Variants in AQP3 observed in about 807,000 individuals in gnomAD.
AQP3 encodes aquaporin-3.
Under a neutral mutation model 30.3 loss-of-function variants are expected in AQP3, and 15 were observed. The ratio of observed to expected loss-of-function variants is 0.49; its 90% confidence interval spans 0.33 to 0.76. AQP3 has a LOEUF of 0.76. AQP3 is among the 30% of genes least tolerant of loss of function. AQP3 has a pLI of 0.02. For synonymous variants in AQP3, 153 were observed against 163.2 expected, an observed-to-expected ratio of 0.94 and a Z score of 0.47; for missense variants, 272 against 384.8, an observed-to-expected ratio of 0.71 and a Z score of 2.45.
rs1661511645 is a variant in AQP3 at position 33,443,071 on chromosome 9, T to A, written c.374-101A>T. On this transcript the variant is annotated intron_variant, in intron 3 of 5. Transcript: ENST00000297991. This position sits in a 1 kb window ranked among gnomAD's most constrained non-coding sequence, Gnocchi z 5.0. ...CACCCTCCCATGAGTTATGGGTAAGTAGCAATACTGCTGTATTGCAGCAGG... is the reference window on the plus strand; with the variant it reads ...CACCCTCCCATGAGTTATGGGTAAGAAGCAATACTGCTGTATTGCAGCAGG... The A allele has an allele frequency of 2.5e-6, 3 of 1,210,860 alleles. No individual in the cohort carries two copies. Among genetic ancestry groups the A allele is most frequent in the African/African-American group, 3.0e-5 (2 of 66,498 alleles). 75.0% of individuals were successfully genotyped at this position (1,210,860 alleles called of 1,614,324 possible).
chr9:33,446,959 C>G (rs575960132), intron 1 of AQP3, among the ~76,000 whole-genome samples: 2 of 152,320 alleles, frequency 1.3e-5, no homozygotes, highest in Non-Finnish European at 2.9e-5. Context: ...AACCTTTGGA[C>G]TTTTTGAGGC....
Position 33,443,713 on chromosome 9 carries a change from C to T in AQP3, c.235+53G>A, listed in dbSNP as rs1054285552. ...CCTGCCCTTAGGAATGCCAGGACAC[C>T]TAGTGGGAATGCTATTGAGGGCCAA... On this transcript the variant is annotated intron_variant, in intron 2 of 5. Transcript: ENST00000297991. The surrounding 1 kb of genome is among the most constrained non-coding windows in gnomAD (Gnocchi z 5.0). 1.5e-5 allele frequency: 24 copies of T among 1,612,368 alleles called. No individual in the cohort carries two copies. Among genetic ancestry groups the T allele is most frequent in the Non-Finnish European group, 2.0e-5 (24 of 1,179,308 alleles).
At position 33,443,498 on chromosome 9, in the gene AQP3, CCA is replaced by C; in HGVS notation, c.236-42_236-41del. The stretch of plus-strand genomic sequence containing the variant: ...CAAGGGACCTATTAGCTGCAGCCTG[CCA>C]CAGTCGGCAGGCTAGGGTCCCCTGA... On this transcript the variant is annotated intron_variant, in intron 2 of 5. Coordinates refer to ENST00000297991, the MANE Select transcript of AQP3 (RefSeq NM_004925.5). This position sits in a 1 kb window ranked among gnomAD's most constrained non-coding sequence, Gnocchi z 5.0. 6.2e-7 allele frequency: 1 copy of C among 1,601,832 alleles called. No homozygotes were observed. Among genetic ancestry groups the C allele is most frequent in the Non-Finnish European group, 8.5e-7 (1 of 1,174,536 alleles).
chr9:33,442,453 G>A lies in AQP3; in HGVS notation c.558C>T (p.Val186=). ...LAIVDPYNNP[V]PRGLEAFTVG... is the part of the protein sequence containing the mutation. ...CGGTGAAGGCCTCCAGGCCTCGGGG[G>A]ACGGGGTTGTTGTAGGGGTCAACAA... is the stretch of plus-strand genomic sequence containing the variant. The change falls in exon 5 of 6, where the codon GTC becomes GTT. Residue 186 remains valine (V), a synonymous_variant. Transcript: ENST00000297991. The A allele has an allele frequency of 6.2e-7, 1 of 1,611,890 alleles. No individual in the cohort carries two copies. Among genetic ancestry groups the A allele is most frequent in the Non-Finnish European group, 8.5e-7 (1 of 1,179,424 alleles).
In AQP3 at chr9:33,442,475, A is replaced by G. The variant is rs201119765; in HGVS notation, c.536T>C (p.Val179Ala). 1.6e-5 allele frequency: 25 copies of G among 1,611,376 alleles called. No individual in the cohort carries two copies. The highest frequency in any genetic ancestry group is 2.1e-5 in the Non-Finnish European group (25 of 1,179,242). The part of the protein sequence containing the change: ...ASLIVCVLAI[V>A]DPYNNPVPRG... ...GGGGACGGGGTTGTTGTAGGGGTCA[A>G]CAATGGCCAGCACACACACGATAAG... Residue 179 changes from valine (V) to alanine (A), a missense_variant, in exon 5 of 6, where the codon GTT becomes GCT. Val to Ala is a moderately conservative substitution (Grantham distance 64). Transcript: ENST00000297991.
Position 33,443,288 on chromosome 9 carries a change from G to T in AQP3, c.373+33C>A. On this transcript the variant is annotated intron_variant, in intron 3 of 5. Coordinates refer to ENST00000297991, the MANE Select transcript of AQP3 (RefSeq NM_004925.5). This position sits in a 1 kb window ranked among gnomAD's most constrained non-coding sequence, Gnocchi z 5.0. Reference sequence around the variant, plus strand: ...GCAGGTCCTGAACAGAGGGACGGGGGTAGTGGAGGAGGACAGGGTGGGGAA... The same window carrying T: ...GCAGGTCCTGAACAGAGGGACGGGGTTAGTGGAGGAGGACAGGGTGGGGAA... The T allele has an allele frequency of 6.4e-7, 1 of 1,565,380 alleles. No homozygotes were observed. Among genetic ancestry groups the T allele is most frequent in the Non-Finnish European group, 8.7e-7 (1 of 1,154,684 alleles).
At chr9:33,442,825 T>C (rs1826858658) in intron 4 of AQP3, 27 bp downstream of exon 4, 8 of 1,603,696 alleles carry the variant, frequency 5.0e-6, no homozygotes, top group Non-Finnish European at 6.8e-6. Flanking sequence ...CCTCCCTGCG[T>C]TCCCCTCACA....
chr9:33,447,429 G>T lies in AQP3; in HGVS notation c.102C>A (p.Ile34=). The change falls in exon 1 of 6, where the codon ATC becomes ATA. Residue 34 remains isoleucine, a synonymous_variant. Coordinates refer to ENST00000297991, the MANE Select transcript of AQP3 (RefSeq NM_004925.5). ...CCCGGCTCCCTCCACTCACCACCAG[G>T]ATGAGGGTCCCCAGGCACTCGGCCA... ...QALAECLGTL[I]LVMFGCGSVA... 1.2e-6 allele frequency: 2 copies of T among 1,602,578 alleles called. No homozygotes were observed. Among genetic ancestry groups the T allele is most frequent in the East Asian group, 2.3e-5 (1 of 44,442 alleles).
At chr9:33,442,724 T>C (rs770856889) in intron 4 of AQP3, 128 bp downstream of exon 4, 47 of 1,119,412 alleles carry the variant, frequency 4.2e-5, no homozygotes, top group Non-Finnish European at 5.0e-5. Context: ...CATGTTCTGA[T>C]GCGGGTTACC....
chr9:33,445,357 C>T (rs966614033), intron 1 of AQP3, among the ~76,000 whole-genome samples: 4 of 152,134 alleles, frequency 2.6e-5, no homozygotes, highest in South Asian at 2.1e-4. Context: ...TTTATTCTGA[C>T]GGGTCAGTGC....
At position 33,443,164 on chromosome 9, in the gene AQP3, C is replaced by T. The variant is rs574720068; in HGVS notation, c.373+157G>A. On this transcript the variant is annotated intron_variant, in intron 3 of 5. Transcript: ENST00000297991. This position sits in a 1 kb window ranked among gnomAD's most constrained non-coding sequence, Gnocchi z 5.0. ...GTTATTGCCCAACTTGTTTCTTTCC[C>T]TTCGTGCCCCCTACCTTGACCCTGT... 91 of 1,249,422 alleles carry T rather than the reference C, an allele frequency of 7.3e-5. No individual in the cohort carries two copies. The highest frequency in any genetic ancestry group is 1.0e-4 in the Non-Finnish European group (89 of 883,634). The allele number at this position is 1,249,422 out of a possible 1,614,324, so 77.4% of individuals were successfully genotyped here. A position where few individuals can be genotyped will look rare whatever the true frequency, so the allele number is the denominator to read the frequency against.
chr9:33,443,648 C>T lies in AQP3; in HGVS notation c.235+118G>A, dbSNP rs1826874671. The stretch of plus-strand genomic sequence containing the variant: ...CTAAGTGTCAAGTTTCTTCTCCACC[C>T]TCCTTTCCCAAGGGGCCAAAGCAGA... On this transcript the variant is annotated intron_variant, in intron 2 of 5. Coordinates refer to ENST00000297991, the MANE Select transcript of AQP3 (RefSeq NM_004925.5). This position sits in a 1 kb window ranked among gnomAD's most constrained non-coding sequence, Gnocchi z 5.0. 1 of 1,540,266 alleles carries T rather than the reference C, an allele frequency of 6.5e-7. No homozygotes were observed. Among genetic ancestry groups the T allele is most frequent in the East Asian group, 2.3e-5 (1 of 43,976 alleles).
Position 33,443,562 on chromosome 9 carries a change from C to T in AQP3, c.236-104G>A, listed in dbSNP as rs567303194. On this transcript the variant is annotated intron_variant, in intron 2 of 5. Transcript: ENST00000297991. The surrounding 1 kb of genome is among the most constrained non-coding windows in gnomAD (Gnocchi z 5.0). ...GAGAGGGGTTTCTTGCACAGGATGGCGGTTGGTCTATGTAACAGGTCAGCT... is the reference window on the plus strand; with the variant it reads ...GAGAGGGGTTTCTTGCACAGGATGGTGGTTGGTCTATGTAACAGGTCAGCT... The T allele has an allele frequency of 3.7e-5, 55 of 1,497,794 alleles. No individual in the cohort carries two copies. Among genetic ancestry groups the T allele is most frequent in the Admixed American group, 2.4e-4 (12 of 51,006 alleles). The allele number at this position is 1,497,794 out of a possible 1,614,324, so 92.8% of individuals were successfully genotyped here.
rs1268144289 is a variant in AQP3, at chr9:33,441,991, C to A, written c.*52G>T. ...TTCTTGGGAGTGGCCCTTGGACAGTCAGTGGATGCTCAAGGCCAGGGCAGC... is the reference window on the plus strand; with the variant it reads ...TTCTTGGGAGTGGCCCTTGGACAGTAAGTGGATGCTCAAGGCCAGGGCAGC... On this transcript the variant is annotated 3_prime_UTR_variant, in exon 6 of 6. Transcript: ENST00000297991. 6.3e-7 allele frequency: 1 copy of A among 1,599,672 alleles called. No individual in the cohort carries two copies. The highest frequency in any genetic ancestry group is 8.5e-7 in the Non-Finnish European group (1 of 1,171,664).
chr9:33,443,144 T>C lies in AQP3; in HGVS notation c.374-174A>G. ...GGTGGAGGGCCTGAGACTCTGTTAT[T>C]GCCCAACTTGTTTCTTTCCCTTCGT... On this transcript the variant is annotated intron_variant, in intron 3 of 5. Transcript: ENST00000297991. The surrounding 1 kb of genome is among the most constrained non-coding windows in gnomAD (Gnocchi z 5.0). 8.8e-7 allele frequency: 1 copy of C among 1,133,106 alleles called. No individual in the cohort carries two copies. The highest frequency in any genetic ancestry group is 1.4e-5 in the South Asian group (1 of 70,006). 70.2% of individuals were successfully genotyped at this position (1,133,106 alleles called of 1,614,324 possible). A position where few individuals can be genotyped will look rare whatever the true frequency, so the allele number is the denominator to read the frequency against.
chr9:33,443,230 C>T lies in AQP3; in HGVS notation c.373+91G>A. ...TCATGAGCCCGGGGCCTGGGCAGGT[C>T]CTAGCCGTCTGTCATCAAAAGGCCT... On this transcript the variant is annotated intron_variant, in intron 3 of 5. Coordinates refer to ENST00000297991, the MANE Select transcript of AQP3 (RefSeq NM_004925.5). This position sits in a 1 kb window ranked among gnomAD's most constrained non-coding sequence, Gnocchi z 5.0. The T allele has an allele frequency of 6.6e-7, 1 of 1,522,662 alleles. No homozygotes were observed. Among genetic ancestry groups the T allele is most frequent in the Non-Finnish European group, 8.9e-7 (1 of 1,121,100 alleles). The allele number at this position is 1,522,662 out of a possible 1,614,324, so 94.3% of individuals were successfully genotyped here. A position where few individuals can be genotyped will look rare whatever the true frequency, so the allele number is the denominator to read the frequency against.
At position 33,443,286 on chromosome 9, in the gene AQP3, G is replaced by C; in HGVS notation, c.373+35C>G. ...CAGCAGGTCCTGAACAGAGGGACGG[G>C]GGTAGTGGAGGAGGACAGGGTGGGG... On this transcript the variant is annotated intron_variant, in intron 3 of 5. Coordinates refer to ENST00000297991, the MANE Select transcript of AQP3 (RefSeq NM_004925.5). The surrounding 1 kb of genome is among the most constrained non-coding windows in gnomAD (Gnocchi z 5.0). 1 of 1,564,650 alleles carries C rather than the reference G, an allele frequency of 6.4e-7. No homozygotes were observed. The highest frequency in any genetic ancestry group is 1.2e-5 in the South Asian group (1 of 84,930).
intron 4 of AQP3, 116 bp downstream of exon 4, chr9:33,442,736 C>T: frequency 8.4e-7 from 1 of 1,187,704 alleles, no homozygotes; most frequent in Non-Finnish European, 1.3e-6. Flanking sequence ...CGGGTTACCC[C>T]ACAGATTGGA....
intron 1 of AQP3, among the ~76,000 whole-genome samples, chr9:33,444,132 T>C (rs1475051777): frequency 6.6e-6 from 1 of 152,176 alleles, no homozygotes; most frequent in South Asian, 2.1e-4. Flanking sequence ...GGAAGCAGGG[T>C]CTGCGACTGG....
Sources: gnomAD v4.1 joint callset for allele counts (sites outside exome capture counted in the v4.1 genomes callset) on GRCh38, gnomAD v4.1.1 for gene constraint, Gnocchi (gnomAD v3.1) non-coding constraint, MANE v1.5 for transcripts, NCBI Gene and HGNC (gene_info 2026-07-23, HGNC 2026-07-21) for gene names.